Variants in CFTR observed in about 807,000 individuals in gnomAD.
CFTR encodes the protein CF transmembrane conductance regulator, also known as cystic fibrosis transmembrane conductance regulator.
Under a neutral mutation model 171.6 loss-of-function variants are expected in CFTR, and 181 were observed. The ratio of observed to expected loss-of-function variants is 1.05; its 90% CI spans 0.93 to 1.19. The LOEUF (loss-of-function observed/expected upper bound fraction) is 1.19, where lower values mean the gene tolerates loss of function less well. Among genes scored for constraint, CFTR ranks in the 50% most tolerant of loss-of-function variants. CFTR has a pLI of 0.00. For synonymous variants in CFTR, 583 were observed against 608.0 expected (o/e 0.96, Z 0.60); for missense variants, 1,968 against 1,734.7 (o/e 1.13, Z -2.39).
intron 24 of CFTR, among the ~76,000 whole-genome samples, chr7:117,658,530 AT>A (rs949168614): frequency 6.6e-6 from 1 of 152,040 alleles, no homozygotes; most frequent in African/African-American, 2.4e-5. Flanking sequence ...TTATCTGCCT[AT>A]TCCCAGAGCT....
intron 23 of CFTR, among the ~76,000 whole-genome samples, chr7:117,646,214 A>G (rs1227064005): frequency 1.3e-5 from 2 of 152,192 alleles, no homozygotes; most frequent in Non-Finnish European, 2.9e-5. Context: ...TCCCTGGCAC[A>G]TAGTAAGTAC....
At chr7:117,493,373 A>G (rs1161349884) in intron 1 of CFTR, among the ~76,000 whole-genome samples, 1 of 152,100 alleles carries the variant, frequency 6.6e-6, no homozygotes, top group Non-Finnish European at 1.5e-5. Context: ...AAAAAGATGT[A>G]AATATTAAGT....
At chr7:117,509,177 C>T (rs371983339) in intron 3 of CFTR, 35 bp downstream of exon 3, 84 of 1,146,696 alleles carry the variant, frequency 7.3e-5, no homozygotes, top group Non-Finnish European at 9.0e-5. Context: ...TTATGTATCA[C>T]ATAACTATAT....
intron 20 of CFTR, 65 bp downstream of exon 20, chr7:117,611,873 G>A (rs1792395608): frequency 9.3e-7 from 1 of 1,073,188 alleles, no homozygotes. Context: ...ATAAAATGCT[G>A]CATTCTATAG....
At chr7:117,569,624 A>G (rs758225551) in intron 11 of CFTR, among the ~76,000 whole-genome samples, 2 of 152,186 alleles carry the variant, frequency 1.3e-5, no homozygotes, top group Non-Finnish European at 2.9e-5. Context: ...GAGAAGGAGC[A>G]TTTGAAATTT....
At chr7:117,574,049 T>G (rs1376404688) in intron 11 of CFTR, among the ~76,000 whole-genome samples, 2 of 151,880 alleles carry the variant, frequency 1.3e-5, no homozygotes, top group Non-Finnish European at 2.9e-5. Flanking sequence ...GTGGAATTAA[T>G]TTTTTTTAGA....
intron 10 of CFTR, among the ~76,000 whole-genome samples, chr7:117,552,738 C>T (rs191362744): frequency 6.6e-6 from 1 of 152,054 alleles, no homozygotes; most frequent in Non-Finnish European, 1.5e-5. Flanking sequence ...TTTTATTATT[C>T]CCCACCTCTC....
intron 1 of CFTR, among the ~76,000 whole-genome samples, chr7:117,493,070 G>T (rs956375573): frequency 6.6e-6 from 1 of 151,994 alleles, no homozygotes; most frequent in Non-Finnish European, 1.5e-5. Context: ...AAGAGAATCT[G>T]GCACAGCGTT....
intron 17 of CFTR, among the ~76,000 whole-genome samples, chr7:117,604,538 A>G (rs1298195135): frequency 2.0e-5 from 3 of 152,178 alleles, no homozygotes; most frequent in Admixed American, 6.6e-5. Flanking sequence ...TGAGAGGAGG[A>G]GTTGACACAG....
chr7:117,490,854 G>A (rs1798149670), intron 1 of CFTR, among the ~76,000 whole-genome samples: 1 of 152,022 alleles, frequency 6.6e-6, no homozygotes, highest in Admixed American at 6.6e-5. Context: ...TAGACCCAGT[G>A]CTTTCTCTGA....
At chr7:117,542,560 A>C (rs1584790503) in intron 9 of CFTR, among the ~76,000 whole-genome samples, 4 of 152,160 alleles carry the variant, frequency 2.6e-5, no homozygotes, top group South Asian at 4.1e-4. Flanking sequence ...AAGAAAAAAA[A>C]ATAAAAATAA....
chr7:117,546,182 C>T (rs1259427685), intron 9 of CFTR, among the ~76,000 whole-genome samples: 1 of 152,014 alleles, frequency 6.6e-6, no homozygotes. Context: ...TTAGTAGAGA[C>T]GGGGTTTCAC....
intron 22 of CFTR, among the ~76,000 whole-genome samples, chr7:117,637,997 G>A (rs1045888659): frequency 2.0e-5 from 3 of 152,066 alleles, no homozygotes; most frequent in East Asian, 1.9e-4. Flanking sequence ...TATAGAAGTC[G>A]GCCAGTGACT....
intron 15 of CFTR, among the ~76,000 whole-genome samples, chr7:117,597,275 A>G (rs1157641931): frequency 6.6e-6 from 1 of 152,174 alleles, no homozygotes; most frequent in Non-Finnish European, 1.5e-5. Flanking sequence ...TCCGAACATC[A>G]GAAGGAACAA....
chr7:117,578,588 G>A (rs1283154323), intron 11 of CFTR, among the ~76,000 whole-genome samples: 1 of 152,048 alleles, frequency 6.6e-6, no homozygotes, highest in Non-Finnish European at 1.5e-5. Flanking sequence ...CCAAGGGTCA[G>A]TTGTAATTGG....
intron 1 of CFTR, among the ~76,000 whole-genome samples, chr7:117,485,293 A>G (rs1259771993): frequency 6.6e-6 from 1 of 152,178 alleles, no homozygotes; most frequent in South Asian, 2.1e-4. Context: ...TCTCTGACTC[A>G]GCAGCAATTT....
intron 1 of CFTR, among the ~76,000 whole-genome samples, chr7:117,496,968 G>T (rs186420753): frequency 1.5e-4 from 23 of 149,676 alleles, no homozygotes; most frequent in Middle Eastern, 3.4e-3. Flanking sequence ...TTTTCTTGAT[G>T]GTGTCCTTTG....
intron 24 of CFTR, among the ~76,000 whole-genome samples, chr7:117,657,364 A>T (rs1793199273): frequency 1.3e-5 from 2 of 152,212 alleles, no homozygotes; most frequent in South Asian, 4.1e-4. Context: ...ATGTTAGTCT[A>T]ACTTTAATGT....
Position 117,594,983 on chromosome 7 carries a change from A to T in CFTR, c.2544A>T (p.Thr848=), listed in dbSNP as rs751242146. ...ESIPAVTTWN[T]YLRYITVHKS... is the part of the protein sequence containing the mutation. ...TACCAGCAGTGACTACATGGAACACATACCTTCGATATATTACTGTCCACA... is the reference window on the plus strand; with the variant it reads ...TACCAGCAGTGACTACATGGAACACTTACCTTCGATATATTACTGTCCACA... The change falls in exon 15 of 27, where the codon ACA becomes ACT. Residue 848 remains threonine (T), a synonymous_variant. Transcript: ENST00000003084. The T allele has an allele frequency of 1.2e-6, 2 of 1,612,854 alleles. No individual in the cohort carries two copies. Among genetic ancestry groups the T allele is most frequent in the African/African-American group, 1.3e-5 (1 of 74,894 alleles).
Sources: gnomAD v4.1 joint callset for allele counts (sites outside exome capture counted in the v4.1 genomes callset) on GRCh38, gnomAD v4.1.1 for gene constraint, MANE v1.5 for transcripts, NCBI Gene and HGNC (gene_info 2026-07-23, HGNC 2026-07-21) for gene names.